The following OSBPL7 variants were observed in gnomAD, a reference collection of about 807,000 sequenced individuals.
OSBPL7 encodes the protein oxysterol binding protein like 7.
A neutral mutation model predicts 115.8 loss-of-function variants in OSBPL7; 66 were observed. That is an observed-to-expected ratio of 0.57 (90% confidence interval 0.47 to 0.70). The LOEUF (loss-of-function observed/expected upper bound fraction) is 0.70. OSBPL7 is among the 30% of genes least tolerant of loss of function. OSBPL7 has a pLI of 0.00. For synonymous variants in OSBPL7, 441 were observed against 439.2 expected, an observed-to-expected ratio of 1.00 and a Z score of -0.05; for missense variants, 902 against 1,125.5, an observed-to-expected ratio of 0.80 and a Z score of 2.84.
Position 47,810,895 on chromosome 17 carries a change from G to A in OSBPL7, c.1738-60C>T, listed in dbSNP as rs2143525430. 2.6e-6 allele frequency: 4 copies of A among 1,530,912 alleles called. No individual in the cohort carries two copies. The South Asian group carries it at 4.6e-5, about 18-fold the overall frequency. 94.8% of individuals were successfully genotyped at this position (1,530,912 alleles called of 1,614,324 possible). ...CCGAGCACCATTAGGCTACCCCAAAGTCCCTTATTCCCACCCCTAGTTCCC... is the reference window on the plus strand; with the variant it reads ...CCGAGCACCATTAGGCTACCCCAAAATCCCTTATTCCCACCCCTAGTTCCC... On this transcript the variant is annotated intron_variant, in intron 16 of 22. Coordinates refer to ENST00000007414, the MANE Select transcript of OSBPL7 (RefSeq NM_145798.3).
intron 18 of OSBPL7, among the ~76,000 whole-genome samples, 199 bp downstream of exon 18, chr17:47,810,395 C>T (rs750028374): frequency 1.3e-5 from 2 of 152,206 alleles, no homozygotes; most frequent in Admixed American, 6.5e-5. Flanking sequence ...AGCTCTACTA[C>T]GTTCCAAGGC....
chr17:47,808,224 G>T lies in OSBPL7; in HGVS notation c.*67C>A. ...AGGCGGGGAGCCCGGCCTCACCCAT[G>T]TGTCCATGGTAGGGGGTGGAGGCAG... On this transcript the variant is annotated 3_prime_UTR_variant, in exon 23 of 23. Coordinates refer to ENST00000007414, the MANE Select transcript of OSBPL7 (RefSeq NM_145798.3). This position sits in a 1 kb window ranked among gnomAD's most constrained non-coding sequence, Gnocchi z 6.1. 7.9e-7 allele frequency: 1 copy of T among 1,270,160 alleles called. No homozygotes were observed. Among genetic ancestry groups the T allele is most frequent in the Non-Finnish European group, 1.1e-6 (1 of 882,276 alleles). 78.7% of individuals were successfully genotyped at this position (1,270,160 alleles called of 1,614,324 possible). A position where few individuals can be genotyped will look rare whatever the true frequency, so the allele number is the denominator to read the frequency against.
intron 16 of OSBPL7, among the ~76,000 whole-genome samples, chr17:47,812,698 T>C (rs1196945489): frequency 1.3e-5 from 2 of 152,152 alleles, no homozygotes; most frequent in Non-Finnish European, 2.9e-5. Flanking sequence ...AGGGACTCAT[T>C]AGCTCTACAG....
intron 16 of OSBPL7, 122 bp downstream of exon 16, chr17:47,813,144 A>G (rs2033095028): frequency 1.5e-6 from 2 of 1,355,674 alleles, no homozygotes; most frequent in African/African-American, 1.5e-5. Flanking sequence ...AGCCCGGCAC[A>G]GAGCCAACTG....
rs148830289 is a variant in OSBPL7 at position 47,808,916 on chromosome 17, C to T, written c.2245G>A (p.Glu749Lys). 67 of 1,614,114 alleles carry T rather than the reference C, an allele frequency of 4.2e-5. No homozygotes were observed. The highest frequency in any genetic ancestry group is 5.4e-5 in the Non-Finnish European group (64 of 1,180,042). The change falls in exon 21 of 23, where the codon GAG (glutamate) becomes AAG (lysine). Residue 749 changes from glutamate to lysine, a missense_variant. By Grantham distance (56) the Glu-to-Lys change is moderately conservative (BLOSUM62 1). Transcript: ENST00000007414. The surrounding 1 kb of genome is among the most constrained non-coding windows in gnomAD (Gnocchi z 6.1). ...FALELNELTA[E>K]LKRSLPSTDT... ...GTGGAAGGCAGCGACCGTTTCAGCT[C>T]TGCTGTCAGCTCATTCAGCTCCAAG...
chr17:47,817,411 C>A, intron 7 of OSBPL7, 52 bp from the exon 8 acceptor site: 1 of 1,339,224 alleles, frequency 7.5e-7, no homozygotes, highest in East Asian at 2.4e-5. Context: ...TTTTTTGAGA[C>A]GGAGTTTTGC....
intron 16 of OSBPL7, 105 bp downstream of exon 16, chr17:47,813,161 C>T (rs2033095693): frequency 2.0e-6 from 3 of 1,479,948 alleles, no homozygotes; most frequent in Non-Finnish European, 2.7e-6. Flanking sequence ...ACTGCCCACG[C>T]TCCTCTCCCA....
chr17:47,815,121 G>C, intron 13 of OSBPL7, 94 bp downstream of exon 13: 1 of 1,479,516 alleles, frequency 6.8e-7, no homozygotes, highest in Non-Finnish European at 9.1e-7. Flanking sequence ...GTGGTGAGAA[G>C]GGGCTGAGGA....
Position 47,813,667 on chromosome 17 carries a change from G to C in OSBPL7, c.1519C>G (p.Leu507Val). 6.2e-7 allele frequency: 1 copy of C among 1,613,368 alleles called. No homozygotes were observed. Among genetic ancestry groups the C allele is most frequent in the Non-Finnish European group, 8.5e-7 (1 of 1,180,010 alleles). ...PVQLNEPLNT[L>V]QRLCEELEYS... ...TCCAGCTCCTCGCAGAGCCGCTGCA[G>C]AGTGTTGAGCGGCTCGTTGAGCTGC... Residue 507 changes from leucine to valine, a missense_variant, in exon 15 of 23, where the codon CTG (leucine) becomes GTG (valine). By Grantham distance (32) the Leu-to-Val change is conservative. This residue lies in a region of OSBPL7 where 667 missense variants were observed against 788.7 expected (regional missense o/e 0.85). Coordinates refer to ENST00000007414, the MANE Select transcript of OSBPL7 (RefSeq NM_145798.3).
At position 47,817,326 on chromosome 17, in the gene OSBPL7, A is replaced by T. The variant is rs1468068121; in HGVS notation, c.632T>A (p.Leu211Gln). The T allele has an allele frequency of 6.2e-7, 1 of 1,604,532 alleles. No homozygotes were observed. The highest frequency in any genetic ancestry group is 8.5e-7 in the Non-Finnish European group (1 of 1,177,656). Residue 211 changes from leucine (L) to glutamine (Q), a missense_variant, in exon 8 of 23, where the codon CTA becomes CAA. Leu to Gln is a moderately radical substitution (Grantham distance 113). Coordinates refer to ENST00000007414, the MANE Select transcript of OSBPL7 (RefSeq NM_145798.3). The part of the protein sequence containing the change: ...LSECQGKLQE[L>Q]HRLLQSLESL... ...CTCCAGGCTCTGGAGGAGCCTGTGTAGTTCCTGGAGCTTCCCCTGACACTC... is the reference window on the plus strand; with the variant it reads ...CTCCAGGCTCTGGAGGAGCCTGTGTTGTTCCTGGAGCTTCCCCTGACACTC...
Position 47,818,603 on chromosome 17 carries a change from T to G in OSBPL7, c.383A>C (p.Asp128Ala), listed in dbSNP as rs2033303198. ...NIYHLKIKSQ[D>A]LFQSWVAQLR... ...CTGCGCCACCCAGCTCTGGAATAGGTCCTGGGATTTGATCTGCAGAAGTGA... is the reference window on the plus strand; with the variant it reads ...CTGCGCCACCCAGCTCTGGAATAGGGCCTGGGATTTGATCTGCAGAAGTGA... Residue 128 changes from aspartate to alanine, a missense_variant, in exon 6 of 23, where the codon GAC becomes GCC. Coordinates refer to ENST00000007414, the MANE Select transcript of OSBPL7 (RefSeq NM_145798.3). 6.2e-7 allele frequency: 1 copy of G among 1,612,422 alleles called. No homozygotes were observed.
chr17:47,819,921 T>TGCCCCCCCC, intron 3 of OSBPL7, 50 bp downstream of exon 3: 1 of 1,343,818 alleles, frequency 7.4e-7, no homozygotes, highest in Non-Finnish European at 1.0e-6. Context: ...TGCCCCCCAT[T>TGCCCCCCCC]CCCACCCCGC....
In OSBPL7 at chr17:47,813,392, T is replaced by C; in HGVS notation, c.1611A>G (p.Ala537=). Residue 537 remains alanine, a synonymous_variant, in exon 16 of 23, where the codon GCA becomes GCG. Coordinates refer to ENST00000007414, the MANE Select transcript of OSBPL7 (RefSeq NM_145798.3). ...ADPCERMVYI[A]AFAVSAYSST... is the part of the protein sequence containing the mutation. ...AGGAGTAGGCCGAGACAGCAAAGGC[T>C]GCGATGTACACCTGTGGGGGGCAAG... 1.2e-6 allele frequency: 2 copies of C among 1,613,880 alleles called. No homozygotes were observed. The highest frequency in any genetic ancestry group is 1.7e-6 in the Non-Finnish European group (2 of 1,180,002).
rs563432675 is a variant in OSBPL7, at chr17:47,816,633, C to G, written c.858G>C (p.Ser286=). 2 of 1,613,936 alleles carry G rather than the reference C, an allele frequency of 1.2e-6. No homozygotes were observed. The highest frequency in any genetic ancestry group is 1.7e-6 in the Non-Finnish European group (2 of 1,180,020). ...LSRYLESRDS[S]GTRGLPPTDY... is the part of the protein sequence containing the mutation. ...CTGTGGGTGGCAGCCCACGGGTGCCCGAGGAGTCCCGAGACTCCAGGTAGC... is the reference window on the plus strand; with the variant it reads ...CTGTGGGTGGCAGCCCACGGGTGCCGGAGGAGTCCCGAGACTCCAGGTAGC... Residue 286 remains serine (S), a synonymous_variant, in exon 10 of 23, where the codon TCG becomes TCC. Coordinates refer to ENST00000007414, the MANE Select transcript of OSBPL7 (RefSeq NM_145798.3). This position sits in a 1 kb window ranked among gnomAD's most constrained non-coding sequence, Gnocchi z 5.8.
intron 3 of OSBPL7, 52 bp downstream of exon 3, chr17:47,819,919 A>AG: frequency 1.3e-4 from 45 of 335,486 alleles, no homozygotes; most frequent in Non-Finnish European, 1.8e-4. Context: ...GCTGCCCCCC[A>AG]TTCCCACCCC....
rs753043312 is a variant in OSBPL7 at position 47,808,704 on chromosome 17, G to A, written c.2298-44C>T. Reference sequence around the variant, plus strand: ...CTCAGGGGAACTGCCCATCTGCAGGGGCCCCCAAACCCAAGGCCTCTGTCT... The same window carrying A: ...CTCAGGGGAACTGCCCATCTGCAGGAGCCCCCAAACCCAAGGCCTCTGTCT... On this transcript the variant is annotated intron_variant, in intron 21 of 22. Coordinates refer to ENST00000007414, the MANE Select transcript of OSBPL7 (RefSeq NM_145798.3). The surrounding 1 kb of genome is among the most constrained non-coding windows in gnomAD (Gnocchi z 6.1). The A allele has an allele frequency of 3.7e-6, 6 of 1,611,782 alleles. No individual in the cohort carries two copies. Among genetic ancestry groups the A allele is most frequent in the East Asian group, 4.5e-5 (2 of 44,858 alleles).
rs1447814133 is a variant in OSBPL7, at chr17:47,809,127, C to T, written c.2119G>A (p.Glu707Lys). The T allele has an allele frequency of 8.1e-6, 13 of 1,614,052 alleles. No homozygotes were observed. Among genetic ancestry groups the T allele is most frequent in the South Asian group, 1.1e-5 (1 of 91,080 alleles). ...VLHRLFGKWH[E>K]GLYRGPTPGG... ...GGCGTGGGTCCCCGGTACAGCCCCT[C>T]GTGCCACTTCCCAAAGAGTCGGTGG... Residue 707 changes from glutamate (E) to lysine (K), a missense_variant, in exon 20 of 23, where the codon GAG becomes AAG. By Grantham distance (56) the Glu-to-Lys change is moderately conservative. Around this residue, in one of 3 missense-constraint regions of OSBPL7, gnomAD observed 230 missense variants for 312.7 expected, o/e 0.74. Coordinates refer to ENST00000007414, the MANE Select transcript of OSBPL7 (RefSeq NM_145798.3).
At chr17:47,819,586 TA>T in intron 4 of OSBPL7, 142 bp downstream of exon 4, 1 of 953,000 alleles carries the variant, frequency 1.0e-6, no homozygotes, top group Non-Finnish European at 1.6e-6. Flanking sequence ...CCCAGGGATG[TA>T]ACTTGCCCGA....
At chr17:47,810,746 C>T (rs1376731617) in intron 17 of OSBPL7, 26 bp downstream of exon 17, 3 of 1,613,594 alleles carry the variant, frequency 1.9e-6, no homozygotes, top group East Asian at 2.2e-5. Flanking sequence ...CCCAGGGCCA[C>T]CCCGGCCCTG....
Sources: allele counts gnomAD v4.1 joint callset (sites outside exome capture counted in the v4.1 genomes callset), GRCh38; gene constraint gnomAD v4.1.1; regional missense constraint gnomAD v4.1.1; non-coding constraint Gnocchi (gnomAD v3.1); transcripts MANE v1.5; gene names NCBI Gene and HGNC (gene_info 2026-07-23, HGNC 2026-07-21).